KDM8: variants seen among roughly 807,000 people sequenced by gnomAD.
KDM8 encodes bifunctional peptidase and arginyl-hydroxylase JMJD5.
A neutral mutation model predicts 46.9 loss-of-function variants in KDM8; 35 were observed. The ratio of observed to expected loss-of-function variants is 0.75; its 90% CI spans 0.57 to 0.99. The LOEUF is 0.99. Ranked by LOEUF, KDM8 falls within the 50% of genes least tolerant of loss-of-function variation. The pLI is 0.00. For synonymous variants in KDM8, 232 were observed against 227.7 expected (o/e 1.02, Z -0.17); for missense variants, 475 against 537.0 (o/e 0.88, Z 1.14).
chr16:27,203,930 T>C, intron 1 of KDM8: 1 of 547,412 alleles, frequency 1.8e-6, no homozygotes, highest in East Asian at 3.5e-5. Flanking sequence ...TACGGCGGGC[T>C]GCTGTGCGCT....
intron 1 of KDM8, among the ~76,000 whole-genome samples, chr16:27,208,037 C>T (rs1437326882): frequency 6.6e-6 from 1 of 152,190 alleles, no homozygotes; most frequent in East Asian, 1.9e-4. Context: ...TCTCTGAAGG[C>T]CTTTTGATAA....
chr16:27,205,163 A>G (rs968005473), intron 1 of KDM8, among the ~76,000 whole-genome samples: 2 of 152,264 alleles, frequency 1.3e-5, no homozygotes, highest in African/African-American at 2.4e-5. Flanking sequence ...GTGAATTTAT[A>G]AAGTCCAGGC....
chr16:27,211,025 T>C lies in KDM8; in HGVS notation c.498+404T>C, dbSNP rs142124196. 5.7e-3 allele frequency: 2,282 copies of C among 398,628 alleles called. 55 individuals carry two copies. Among genetic ancestry groups the C allele is most frequent in the African/African-American group, 0.044 (2,109 of 47,966 alleles). The allele number at this position is 398,628 out of a possible 1,614,324, so 24.7% of individuals were successfully genotyped here. A position where few individuals can be genotyped will look rare whatever the true frequency, so the allele number is the denominator to read the frequency against. ...AACTCCTGGCCTAAAGCAGTCCTCC[T>C]GTCGTGGCCTCCCGAAGCACTGAGA... On this transcript the variant is annotated intron_variant, in intron 2 of 7. Transcript: ENST00000286096.
rs1596660031 is a variant in KDM8 at position 27,219,296 on chromosome 16, G to C, written c.993+186G>C. Among the ~76,000 whole-genome samples the C allele has an allele frequency of 3.3e-5, 5 of 152,352 alleles. No homozygotes were observed. In the South Asian group the frequency reaches 8.3e-4, roughly 25 times the overall value. ...GCCCAGGAAGGCCTCTGCAGTCGGT[G>C]CTTCCAGAAGCGGCTCCTCCTGCAT... On this transcript the variant is annotated intron_variant, in intron 6 of 7. Coordinates refer to ENST00000286096, the MANE Select transcript of KDM8 (RefSeq NM_024773.3).
At chr16:27,218,132 A>G (rs1290446132) in intron 5 of KDM8, among the ~76,000 whole-genome samples, 5 of 151,914 alleles carry the variant, frequency 3.3e-5, no homozygotes, top group African/African-American at 1.2e-4. Context: ...CAAAAATAAA[A>G]TTAGCCAGGC....
At chr16:27,216,097 G>A in intron 5 of KDM8, 108 bp downstream of exon 5, 1 of 1,207,662 alleles carries the variant, frequency 8.3e-7, no homozygotes, top group Non-Finnish European at 1.2e-6. Flanking sequence ...GAGGGAGGCA[G>A]CAGGTGAGGC....
chr16:27,215,063 A>C, intron 4 of KDM8, 55 bp downstream of exon 4: 1 of 1,586,794 alleles, frequency 6.3e-7, no homozygotes, highest in East Asian at 2.3e-5. Flanking sequence ...AGCATAGTAC[A>C]TTTAGGCAAA....
intron 2 of KDM8, chr16:27,213,255 GT>G: frequency 4.3e-6 from 1 of 231,316 alleles, no homozygotes; most frequent in Non-Finnish European, 8.5e-6. Context: ...GTGTGTGTGT[GT>G]GTGTGTAAGA....
At chr16:27,203,930 T>A in intron 1 of KDM8, 1 of 547,412 alleles carries the variant, frequency 1.8e-6, no homozygotes, top group Non-Finnish European at 3.2e-6. Flanking sequence ...TACGGCGGGC[T>A]GCTGTGCGCT....
chr16:27,213,975 G>A (rs187969230), intron 3 of KDM8: 11 of 493,818 alleles, frequency 2.2e-5, no homozygotes, highest in South Asian at 1.0e-4. Context: ...CGCCTTAAGC[G>A]GTTTTTTAAT....
intron 2 of KDM8, chr16:27,211,072 C>T (rs2083479103): frequency 4.4e-6 from 2 of 452,096 alleles, no homozygotes; most frequent in Non-Finnish European, 8.8e-6. Context: ...AGCCACCGTG[C>T]TCAGCCCCCA....
rs781517171 is a variant in KDM8 at position 27,220,381 on chromosome 16, C to G, written c.994-12C>G. On this transcript the variant is annotated splice_polypyrimidine_tract_variant and intron_variant, in intron 6 of 7. Transcript: ENST00000286096. The stretch of plus-strand genomic sequence containing the variant: ...GAGGCCACCAGCTGACTGTCAGGGT[C>G]TCTCTCCCCAGGTGATGGGGAGGAA... 1 of 1,612,384 alleles carries G rather than the reference C, an allele frequency of 6.2e-7. No individual in the cohort carries two copies. Among genetic ancestry groups the G allele is most frequent in the South Asian group, 1.1e-5 (1 of 91,038 alleles).
intron 3 of KDM8, 80 bp downstream of exon 3, chr16:27,213,831 C>T: frequency 1.4e-6 from 2 of 1,440,060 alleles, no homozygotes; most frequent in Non-Finnish European, 9.5e-7. Flanking sequence ...TCCCGACCAT[C>T]CCCAGGGAAA....
At chr16:27,204,555 GT>G in intron 1 of KDM8, 1 of 195,460 alleles carries the variant, frequency 5.1e-6, no homozygotes, top group Non-Finnish European at 1.0e-5. Flanking sequence ...AAAGCTAGGT[GT>G]AGGCTGATCT....
Position 27,213,741 on chromosome 16 carries a change from C to T in KDM8, c.655C>T (p.Gln219Ter). The change falls in exon 3 of 8, where the codon CAG (glutamine) becomes TAG (stop). Residue 219 changes from glutamine to a stop codon, truncating the protein, a stop_gained. Coordinates refer to ENST00000286096, the MANE Select transcript of KDM8 (RefSeq NM_024773.3). LOFTEE classifies it high-confidence loss of function. ...KGVADHWPCM[Q>*]KWSLEYIQEI... Reference sequence around the variant, plus strand: ...CGTGGCTGACCACTGGCCGTGCATGCAGAAGTGGAGGTGGGTGGTCGCTGA... The same window carrying T: ...CGTGGCTGACCACTGGCCGTGCATGTAGAAGTGGAGGTGGGTGGTCGCTGA... 6.2e-7 allele frequency: 1 copy of T among 1,614,062 alleles called. No homozygotes were observed. The highest frequency in any genetic ancestry group is 8.5e-7 in the Non-Finnish European group (1 of 1,179,978).
intron 5 of KDM8, among the ~76,000 whole-genome samples, chr16:27,216,568 C>T (rs1208938413): frequency 1.3e-5 from 2 of 151,294 alleles, no homozygotes; most frequent in Non-Finnish European, 3.0e-5. Flanking sequence ...TGGGCTGGGG[C>T]CGCACCTCTG....
chr16:27,208,793 G>T (rs2083451556), intron 1 of KDM8, among the ~76,000 whole-genome samples: 1 of 152,228 alleles, frequency 6.6e-6, no homozygotes, highest in Non-Finnish European at 1.5e-5. Flanking sequence ...AACGCTCCAA[G>T]AAGGCTGTGA....
At chr16:27,209,727 G>C (rs1278670185) in intron 1 of KDM8, among the ~76,000 whole-genome samples, 1 of 152,254 alleles carries the variant, frequency 6.6e-6, no homozygotes, top group Non-Finnish European at 1.5e-5. Flanking sequence ...AGGGCTGCAG[G>C]AACACAGAAC....
chr16:27,220,863 C>T lies in KDM8; in HGVS notation c.*133C>T. On this transcript the variant is annotated 3_prime_UTR_variant, in exon 8 of 8. Transcript: ENST00000286096. ...AAGAGCCTTCACTGCCCAGTGGCAGCCCTGGGGGGCTGAGCTCCAGCACTG... is the reference window on the plus strand; with the variant it reads ...AAGAGCCTTCACTGCCCAGTGGCAGTCCTGGGGGGCTGAGCTCCAGCACTG... The T allele has an allele frequency of 1.8e-6, 2 of 1,085,864 alleles. No individual in the cohort carries two copies. The highest frequency in any genetic ancestry group is 2.4e-5 in the East Asian group (1 of 41,004). 67.3% of individuals were successfully genotyped at this position (1,085,864 alleles called of 1,614,324 possible).
Sources: allele counts gnomAD v4.1 joint callset (sites outside exome capture counted in the v4.1 genomes callset), GRCh38; gene constraint gnomAD v4.1.1; transcripts MANE v1.5; gene names NCBI Gene and HGNC (gene_info 2026-07-23, HGNC 2026-07-21).